The following SGPL1 variants were observed in gnomAD, a reference collection of about 807,000 sequenced individuals.
SGPL1 encodes the protein sphingosine-1-phosphate lyase 1.
SGPL1 carries 37 observed loss-of-function variants against 68.9 expected under a neutral mutation model. The observed-to-expected ratio is 0.54, with a 90% CI of 0.41 to 0.71. The LOEUF is 0.71. SGPL1 is among the 30% of genes least tolerant of loss of function. The probability of loss-of-function intolerance (pLI) is 0.00; values close to 1 mark genes in which losing one functional copy is unlikely to be tolerated. For synonymous variants in SGPL1, 236 were observed against 248.5 expected, an observed-to-expected ratio of 0.95 and a Z score of 0.47; for missense variants, 551 against 704.6, an observed-to-expected ratio of 0.78 and a Z score of 2.47.
At chr10:70,867,787 T>TA (rs894683150) in intron 7 of SGPL1, among the ~76,000 whole-genome samples, 1 of 140,290 alleles carries the variant, frequency 7.1e-6, no homozygotes, top group Non-Finnish European at 1.7e-5. Flanking sequence ...TCACTTCACT[T>TA]AAAAAAAATT....
In SGPL1 at chr10:70,816,010, C is replaced by G. The variant is rs1036941307; in HGVS notation, c.-160C>G. ...CCAATCTCGGCGGCGGCGGCGGCAA[C>G]AGGGGAGCCTGGGTCTCGCGGCCTG... On this transcript the variant is annotated 5_prime_UTR_variant, in exon 1 of 15. Coordinates refer to ENST00000373202, the MANE Select transcript of SGPL1 (RefSeq NM_003901.4). 4 of 151,350 alleles carry G rather than the reference C, an allele frequency of 2.6e-5. No homozygotes were observed. The highest frequency in any genetic ancestry group is 6.6e-5 in the Admixed American group (1 of 15,210). 9.4% of individuals were successfully genotyped at this position (151,350 alleles called of 1,614,324 possible).
rs1323019807 is a variant in SGPL1 at position 70,879,310 on chromosome 10, T to A, written c.*1975T>A. 1 of 152,692 alleles carries A rather than the reference T, an allele frequency of 6.5e-6. No individual in the cohort carries two copies. The highest frequency in any genetic ancestry group is 1.9e-4 in the East Asian group (1 of 5,198). 9.5% of individuals were successfully genotyped at this position (152,692 alleles called of 1,614,324 possible). On this transcript the variant is annotated 3_prime_UTR_variant, in exon 15 of 15. Transcript: ENST00000373202. ...TTGGCATGTTAGTCTGAATTGTTCT[T>A]GAGCACTGTACTACTGACCCAACAA... is the stretch of plus-strand genomic sequence containing the variant.
Position 70,877,185 on chromosome 10 carries a change from G to A in SGPL1, c.1567-10G>A. On this transcript the variant is annotated splice_polypyrimidine_tract_variant and intron_variant, in intron 14 of 14. Transcript: ENST00000373202. ...CCTCACTAATAATGTCTCTTTCTTT[G>A]GATTTGTAGGGTGCCATCTATGGCA... 1.2e-6 allele frequency: 2 copies of A among 1,613,768 alleles called. No homozygotes were observed. The highest frequency in any genetic ancestry group is 1.7e-6 in the Non-Finnish European group (2 of 1,179,758).
chr10:70,850,469 T>C (rs1845861818), intron 3 of SGPL1, among the ~76,000 whole-genome samples: 1 of 152,150 alleles, frequency 6.6e-6, no homozygotes, highest in South Asian at 2.1e-4. Context: ...TCTAGAAACC[T>C]TAGGAAGGTC....
intron 4 of SGPL1, among the ~76,000 whole-genome samples, chr10:70,852,728 G>GT (rs71012251): frequency 7.3e-6 from 1 of 136,824 alleles, no homozygotes; most frequent in Non-Finnish European, 1.7e-5. Context: ...GTGTGTGTGT[G>GT]CGCGCGCACG....
Position 70,880,284 on chromosome 10 carries a change from A to T in SGPL1, c.*2949A>T, listed in dbSNP as rs41314988. Reference sequence around the variant, plus strand: ...AAGAGACACAGTTAAGCAGCAATCCATCTCATTTCCAGGCACTTCAATAGG... The same window carrying T: ...AAGAGACACAGTTAAGCAGCAATCCTTCTCATTTCCAGGCACTTCAATAGG... On this transcript the variant is annotated 3_prime_UTR_variant, in exon 15 of 15. Coordinates refer to ENST00000373202, the MANE Select transcript of SGPL1 (RefSeq NM_003901.4). The T allele has an allele frequency of 1.3e-5, 2 of 152,204 alleles. No homozygotes were observed. The highest frequency in any genetic ancestry group is 1.5e-5 in the Non-Finnish European group (1 of 68,048). The allele number at this position is 152,204 out of a possible 1,614,324, so 9.4% of individuals were successfully genotyped here. A position where few individuals can be genotyped will look rare whatever the true frequency, so the allele number is the denominator to read the frequency against.
chr10:70,831,357 G>A (rs901315325), intron 2 of SGPL1, among the ~76,000 whole-genome samples: 1 of 152,092 alleles, frequency 6.6e-6, no homozygotes, highest in Admixed American at 6.6e-5. Flanking sequence ...GATAGCATCA[G>A]ATCTATGGGT....
Position 70,840,385 on chromosome 10 carries a change from G to A in SGPL1, c.28-4088G>A, listed in dbSNP as rs574542577. On this transcript the variant is annotated intron_variant, in intron 2 of 14. Coordinates refer to ENST00000373202, the MANE Select transcript of SGPL1 (RefSeq NM_003901.4). Reference sequence around the variant, plus strand: ...CCCAAGGGCTAGAGTATTGCATCAGGACCCAGCCTGGGGTTTGTGCTGTTT... The same window carrying A: ...CCCAAGGGCTAGAGTATTGCATCAGAACCCAGCCTGGGGTTTGTGCTGTTT... 3.3e-5 allele frequency among the ~76,000 whole-genome samples: 5 copies of A among 152,166 alleles called. No homozygotes were observed. The East Asian group carries it at 9.7e-4, about 29-fold the overall frequency.
intron 2 of SGPL1, among the ~76,000 whole-genome samples, chr10:70,842,345 C>T (rs781240930): frequency 6.6e-6 from 1 of 152,148 alleles, no homozygotes; most frequent in Non-Finnish European, 1.5e-5. Context: ...AATTGCTTTA[C>T]AAAAGTTCCT....
intron 9 of SGPL1, 148 bp from the exon 10 acceptor site, chr10:70,870,900 A>T: frequency 1.5e-6 from 1 of 657,634 alleles, no homozygotes; most frequent in East Asian, 2.7e-5. Context: ...CCGTGGTGGG[A>T]TGCAGTCTTC....
intron 2 of SGPL1, among the ~76,000 whole-genome samples, chr10:70,824,431 A>C (rs1048074774): frequency 3.3e-5 from 5 of 152,246 alleles, no homozygotes; most frequent in Admixed American, 6.5e-5. Flanking sequence ...CCACAATTTC[A>C]ACAAAATAAT....
At chr10:70,857,408 G>A in intron 5 of SGPL1, 1 of 489,526 alleles carries the variant, frequency 2.0e-6, no homozygotes, top group Non-Finnish European at 3.7e-6. Flanking sequence ...TTTTCACATT[G>A]CTGATAATAA....
In SGPL1 at chr10:70,881,095, G is replaced by A. The variant is rs1337108644; in HGVS notation, c.*3760G>A. 2 of 151,750 alleles carry A rather than the reference G, an allele frequency of 1.3e-5. No homozygotes were observed. The highest frequency in any genetic ancestry group is 2.9e-5 in the Non-Finnish European group (2 of 67,952). The allele number at this position is 151,750 out of a possible 1,614,324, so 9.4% of individuals were successfully genotyped here. A position where few individuals can be genotyped will look rare whatever the true frequency, so the allele number is the denominator to read the frequency against. ...TTTCTTTTATGCTTTCCTCTGTCTTGTAATCTTTTCTCTTCTTAATATCCT... is the reference window on the plus strand; with the variant it reads ...TTTCTTTTATGCTTTCCTCTGTCTTATAATCTTTTCTCTTCTTAATATCCT... On this transcript the variant is annotated 3_prime_UTR_variant, in exon 15 of 15. Coordinates refer to ENST00000373202, the MANE Select transcript of SGPL1 (RefSeq NM_003901.4).
At chr10:70,861,861 G>A (rs1021937912) in intron 7 of SGPL1, among the ~76,000 whole-genome samples, 2 of 152,218 alleles carry the variant, frequency 1.3e-5, no homozygotes, top group Non-Finnish European at 2.9e-5. Context: ...TTCTCGCTGG[G>A]CCTTAGCTGC....
rs1322310489 is a variant in SGPL1 at position 70,816,065 on chromosome 10, G to T, written c.-105G>T. On this transcript the variant is annotated 5_prime_UTR_variant, in exon 1 of 15. In the 5' UTR this introduces an upstream ATG that the reference lacks. Coordinates refer to ENST00000373202, the MANE Select transcript of SGPL1 (RefSeq NM_003901.4). ...TCCGTCGCGTGCTGAGGGAGACGCA[G>T]GAGGTGGAGCCGGCCGGGTGCTCGA... The T allele has an allele frequency of 6.6e-6, 1 of 151,674 alleles. No homozygotes were observed. The highest frequency in any genetic ancestry group is 2.4e-5 in the African/African-American group (1 of 41,352). 9.4% of individuals were successfully genotyped at this position (151,674 alleles called of 1,614,324 possible).
At chr10:70,859,111 T>G (rs1033254477) in intron 6 of SGPL1, among the ~76,000 whole-genome samples, 1 of 152,254 alleles carries the variant, frequency 6.6e-6, no homozygotes, top group African/African-American at 2.4e-5. Flanking sequence ...AAGCTTAGAC[T>G]TCCTCCTGGG....
chr10:70,869,287 A>G (rs1277632182), intron 8 of SGPL1: 1 of 152,320 alleles, frequency 6.6e-6, no homozygotes, highest in African/African-American at 2.4e-5. Context: ...TGTGTAGGAG[A>G]AATGGGGATT....
Position 70,877,417 on chromosome 10 carries a change from C to T in SGPL1, c.*82C>T. The T allele has an allele frequency of 7.1e-7, 1 of 1,406,564 alleles. No homozygotes were observed. Among genetic ancestry groups the T allele is most frequent in the Non-Finnish European group, 1.0e-6 (1 of 998,226 alleles). 87.1% of individuals were successfully genotyped at this position (1,406,564 alleles called of 1,614,324 possible). A position where few individuals can be genotyped will look rare whatever the true frequency, so the allele number is the denominator to read the frequency against. ...TGGAACAGGCCGTGCACAACTTTGA[C>T]ATCTGGTCTTGCTCCATAGAGCACA... On this transcript the variant is annotated 3_prime_UTR_variant, in exon 15 of 15. Coordinates refer to ENST00000373202, the MANE Select transcript of SGPL1 (RefSeq NM_003901.4).
intron 7 of SGPL1, among the ~76,000 whole-genome samples, chr10:70,863,466 C>A (rs988898309): frequency 6.6e-6 from 1 of 151,780 alleles, no homozygotes. Context: ...TTCCTTGTTT[C>A]CTTATATTTG....
Sources: gnomAD v4.1 joint callset for allele counts (sites outside exome capture counted in the v4.1 genomes callset) on GRCh38, gnomAD v4.1.1 for gene constraint, MANE v1.5 for transcripts, NCBI Gene and HGNC (gene_info 2026-07-23, HGNC 2026-07-21) for gene names.